The following ANGPT1 variants were observed in gnomAD, a reference collection of about 807,000 sequenced individuals.
ANGPT1 encodes the protein angiopoietin-1.
A neutral mutation model predicts 62.2 loss-of-function variants in ANGPT1; 17 were observed. The ratio of observed to expected loss-of-function variants is 0.27; its 90% CI spans 0.19 to 0.41. ANGPT1 has a LOEUF of 0.41. Among genes scored for constraint, ANGPT1 ranks in the 10% least tolerant of loss-of-function variants. ANGPT1 has a pLI of 1.00. For synonymous variants in ANGPT1, 199 were observed against 198.9 expected, an observed-to-expected ratio of 1.00 and a Z score of 0.00; for missense variants, 478 against 594.9, an observed-to-expected ratio of 0.80 and a Z score of 2.04.
At chr8:107,273,843 G>A (rs977566700) in intron 7 of ANGPT1, among the ~76,000 whole-genome samples, 1 of 150,522 alleles carries the variant, frequency 6.6e-6, no homozygotes, top group Non-Finnish European at 1.5e-5. Flanking sequence ...GGGACTGTGA[G>A]TGTAAAGGTG....
At chr8:107,299,767 C>T (rs111205780) in intron 5 of ANGPT1, among the ~76,000 whole-genome samples, 1,778 of 113,948 alleles carry the variant, frequency 0.016, 26 homozygotes, top group African/African-American at 0.054. Flanking sequence ...GTAGTTATAT[C>T]TAGATATACT....
intron 7 of ANGPT1, among the ~76,000 whole-genome samples, chr8:107,279,950 G>C (rs1813961415): frequency 6.6e-6 from 1 of 151,756 alleles, no homozygotes; most frequent in African/African-American, 2.4e-5. Flanking sequence ...AGTGTAGGGA[G>C]GTTGAGAAGG....
intron 1 of ANGPT1, among the ~76,000 whole-genome samples, chr8:107,390,545 A>G (rs1053963943): frequency 1.3e-5 from 2 of 152,176 alleles, no homozygotes; most frequent in Non-Finnish European, 2.9e-5. Context: ...GTGGGATTAA[A>G]TCATCAGACA....
At chr8:107,449,543 G>A (rs901481164) in intron 1 of ANGPT1, among the ~76,000 whole-genome samples, 2 of 151,926 alleles carry the variant, frequency 1.3e-5, no homozygotes, top group African/African-American at 4.8e-5. Flanking sequence ...ACCAGTGCTT[G>A]AAATGGGTAC....
chr8:107,376,625 C>G (rs1013222925), intron 1 of ANGPT1, among the ~76,000 whole-genome samples: 3 of 152,076 alleles, frequency 2.0e-5, no homozygotes, highest in African/African-American at 7.2e-5. Flanking sequence ...CATAGCAGAG[C>G]TTTGGAAAGT....
chr8:107,256,708 A>G (rs1352914986), intron 8 of ANGPT1, among the ~76,000 whole-genome samples: 1 of 152,116 alleles, frequency 6.6e-6, no homozygotes, highest in Non-Finnish European at 1.5e-5. Context: ...AATATCCTAG[A>G]GCAATTCATT....
At chr8:107,436,639 C>T (rs1040499700) in intron 1 of ANGPT1, among the ~76,000 whole-genome samples, 3 of 152,204 alleles carry the variant, frequency 2.0e-5, no homozygotes, top group Non-Finnish European at 4.4e-5. Context: ...AGATGTACTT[C>T]TCATGCTACT....
At chr8:107,441,901 T>C (rs1479991230) in intron 1 of ANGPT1, among the ~76,000 whole-genome samples, 2 of 151,982 alleles carry the variant, frequency 1.3e-5, no homozygotes, top group African/African-American at 4.8e-5. Flanking sequence ...CTGACCAACA[T>C]AGTGAAACCC....
At chr8:107,424,867 T>C (rs1316711437) in intron 1 of ANGPT1, among the ~76,000 whole-genome samples, 1 of 152,240 alleles carries the variant, frequency 6.6e-6, no homozygotes, top group Non-Finnish European at 1.5e-5. Flanking sequence ...AGAAAAACTA[T>C]TCTTTTTTTA....
At chr8:107,338,540 A>G (rs1003406517) in intron 2 of ANGPT1, among the ~76,000 whole-genome samples, 2 of 152,230 alleles carry the variant, frequency 1.3e-5, no homozygotes, top group Non-Finnish European at 2.9e-5. Flanking sequence ...ACTCATTTAT[A>G]CAGTCATTAG....
intron 1 of ANGPT1, among the ~76,000 whole-genome samples, chr8:107,464,884 A>G (rs1306728505): frequency 6.6e-6 from 1 of 152,132 alleles, no homozygotes; most frequent in African/African-American, 2.4e-5. Flanking sequence ...AGGACTGTGC[A>G]GTGCACAGGG....
At chr8:107,468,010 G>C (rs946277315) in intron 1 of ANGPT1, among the ~76,000 whole-genome samples, 7 of 152,028 alleles carry the variant, frequency 4.6e-5, no homozygotes, top group African/African-American at 1.4e-4. Context: ...ATGTTTGAAG[G>C]CATTTGTGTA....
intron 1 of ANGPT1, among the ~76,000 whole-genome samples, chr8:107,357,649 A>G (rs912634380): frequency 3.9e-5 from 6 of 152,206 alleles, no homozygotes; most frequent in Admixed American, 1.3e-4. Context: ...CACATAGCTT[A>G]TAATGATGAT....
chr8:107,377,800 A>G (rs1816558036), intron 1 of ANGPT1, among the ~76,000 whole-genome samples: 1 of 152,222 alleles, frequency 6.6e-6, no homozygotes, highest in South Asian at 2.1e-4. Context: ...CAATCTTGTC[A>G]AGAACGTAAA....
At chr8:107,310,248 T>C (rs1354593066) in intron 4 of ANGPT1, among the ~76,000 whole-genome samples, 2 of 152,188 alleles carry the variant, frequency 1.3e-5, no homozygotes, top group East Asian at 1.9e-4. Context: ...GTTCAATCCT[T>C]ATAAATTTCT....
intron 7 of ANGPT1, among the ~76,000 whole-genome samples, chr8:107,282,836 T>C (rs1397080552): frequency 6.6e-6 from 1 of 151,786 alleles, no homozygotes; most frequent in Non-Finnish European, 1.5e-5. Context: ...AAAAGGGCAG[T>C]GGGGCACTCT....
intron 1 of ANGPT1, among the ~76,000 whole-genome samples, chr8:107,405,938 T>A (rs1401887178): frequency 2.6e-5 from 4 of 151,934 alleles, no homozygotes; most frequent in Admixed American, 1.3e-4. Flanking sequence ...CATTTTGAAG[T>A]CTTACAACTT....
At chr8:107,434,962 A>G (rs373247115) in intron 1 of ANGPT1, among the ~76,000 whole-genome samples, 5 of 152,190 alleles carry the variant, frequency 3.3e-5, no homozygotes, top group East Asian at 3.9e-4. Context: ...AAAGAGGAAT[A>G]CTTGTTTGCC....
chr8:107,469,592 A>G (rs1422497264), intron 1 of ANGPT1, among the ~76,000 whole-genome samples: 1 of 152,030 alleles, frequency 6.6e-6, no homozygotes, highest in Non-Finnish European at 1.5e-5. Flanking sequence ...AGAAAAGTCC[A>G]TGCCAAAACC....
Sources: allele counts gnomAD v4.1 joint callset (sites outside exome capture counted in the v4.1 genomes callset), GRCh38; gene constraint gnomAD v4.1.1; transcripts MANE v1.5; gene names NCBI Gene and HGNC (gene_info 2026-07-23, HGNC 2026-07-21).